The following ZNF618 variants were observed in gnomAD, a reference collection of about 807,000 sequenced individuals.
ZNF618 encodes zinc finger protein 618.
Under a neutral mutation model 103.0 loss-of-function variants are expected in ZNF618, and 34 were observed. The ratio of observed to expected loss-of-function variants is 0.33; its 90% CI spans 0.25 to 0.44. The LOEUF is 0.44. Among genes scored for constraint, ZNF618 ranks in the 20% least tolerant of loss-of-function variants. The pLI is 1.00. For synonymous variants in ZNF618, 551 were observed against 542.2 expected, an observed-to-expected ratio of 1.02 and a Z score of -0.23; for missense variants, 1,059 against 1,295.4, an observed-to-expected ratio of 0.82 and a Z score of 2.80.
At chr9:113,876,945 A>G (rs971743657) in intron 1 of ZNF618, among the ~76,000 whole-genome samples, 2 of 149,760 alleles carry the variant, frequency 1.3e-5, no homozygotes, top group African/African-American at 2.5e-5. Flanking sequence ...GTTTTTTCCC[A>G]TTAAAACGAC....
intron 1 of ZNF618, among the ~76,000 whole-genome samples, chr9:113,876,687 A>G (rs1827973151): frequency 1.3e-5 from 2 of 152,016 alleles, no homozygotes; most frequent in South Asian, 4.1e-4. Flanking sequence ...CCAGAAAACA[A>G]AGCGGCGAGA....
At chr9:113,929,486 GAA>G (rs1238965661) in intron 1 of ZNF618, among the ~76,000 whole-genome samples, 1 of 152,190 alleles carries the variant, frequency 6.6e-6, no homozygotes, top group Non-Finnish European at 1.5e-5. Flanking sequence ...GGCTGAAATT[GAA>G]AGTCCTCACC....
At chr9:114,027,777 G>A (rs931275189) in intron 10 of ZNF618, 1 of 152,162 alleles carries the variant, frequency 6.6e-6, no homozygotes, top group Non-Finnish European at 1.5e-5. Flanking sequence ...TCAGGGCTGT[G>A]GCCAGGCACT....
At chr9:113,951,696 T>G (rs1835797734) in intron 1 of ZNF618, among the ~76,000 whole-genome samples, 1 of 151,654 alleles carries the variant, frequency 6.6e-6, no homozygotes, top group Non-Finnish European at 1.5e-5. Flanking sequence ...TTGAGGGGCC[T>G]CTTGAGTACA....
chr9:113,894,828 T>G (rs1384905237), intron 1 of ZNF618, among the ~76,000 whole-genome samples: 1 of 152,222 alleles, frequency 6.6e-6, no homozygotes, highest in Non-Finnish European at 1.5e-5. Context: ...ATTTATTGTA[T>G]TACCTTCTTA....
chr9:113,959,829 G>T, intron 1 of ZNF618, among the ~76,000 whole-genome samples: 1 of 152,110 alleles, frequency 6.6e-6, no homozygotes, highest in East Asian at 1.9e-4. Context: ...GGCTGGTCTC[G>T]ACCTCCTGAC....
chr9:113,895,321 A>G (rs1829944844), intron 1 of ZNF618, among the ~76,000 whole-genome samples: 1 of 152,104 alleles, frequency 6.6e-6, no homozygotes, highest in Admixed American at 6.5e-5. Context: ...ATGTACCCAG[A>G]TGGCCATATG....
At chr9:114,031,291 T>G (rs1375112002) in intron 11 of ZNF618, among the ~76,000 whole-genome samples, 1 of 152,106 alleles carries the variant, frequency 6.6e-6, no homozygotes, top group African/African-American at 2.4e-5. Flanking sequence ...AATTTGTAGA[T>G]GCTCCCTGGG....
At chr9:113,951,880 C>T (rs1321527529) in intron 1 of ZNF618, among the ~76,000 whole-genome samples, 1 of 152,064 alleles carries the variant, frequency 6.6e-6, no homozygotes, top group Admixed American at 6.5e-5. Context: ...GCAGATGGGA[C>T]TCAAGTTGCC....
intron 2 of ZNF618, among the ~76,000 whole-genome samples, chr9:113,981,946 A>G (rs986511720): frequency 2.0e-5 from 3 of 152,146 alleles, no homozygotes. Flanking sequence ...GCTCTTGTCA[A>G]TGCCAAGCAT....
chr9:113,892,178 G>T (rs977367809), intron 1 of ZNF618, among the ~76,000 whole-genome samples: 1 of 152,092 alleles, frequency 6.6e-6, no homozygotes, highest in Admixed American at 6.5e-5. Context: ...TAGTATCCGT[G>T]GGGGATTGGT....
At chr9:113,938,572 C>CTTTTTTTTTTTTTTTTTTT (rs71367741) in intron 1 of ZNF618, among the ~76,000 whole-genome samples, 1 of 136,714 alleles carries the variant, frequency 7.3e-6, no homozygotes, top group African/African-American at 2.6e-5. Flanking sequence ...TTCTTTTTTT[C>CTTTTTTTTTTTTTTTTTTT]TTTTTTTTTT....
intron 1 of ZNF618, among the ~76,000 whole-genome samples, chr9:113,887,679 G>A (rs917658718): frequency 5.9e-5 from 9 of 152,144 alleles, no homozygotes; most frequent in Non-Finnish European, 7.4e-5. Flanking sequence ...GCAGGGTGGG[G>A]AGTCATCTCC....
rs764854937 is a variant in ZNF618, at chr9:114,049,899, A to T, written c.2597A>T (p.Asp866Val). The stretch of plus-strand genomic sequence containing the variant: ...GTCGAGAACCCCGCAGCTCAGGAAG[A>T]TGATCGGCTAGGCAAAAATGAAGTG... ...AAVENPAAQE[D>V]DRLGKNEVYD... is the part of the protein sequence containing the mutation. Residue 866 changes from aspartate to valine, a missense_variant, in exon 15 of 15, where the codon GAT (aspartate) becomes GTT (valine). Transcript: ENST00000374126. 1.2e-6 allele frequency: 2 copies of T among 1,613,936 alleles called. No homozygotes were observed.
Position 114,049,633 on chromosome 9 carries a change from C to T in ZNF618, c.2331C>T (p.Asp777=), listed in dbSNP as rs766213975. ...LEKLFTAKAN[D]AGTVSKLCHL... ...AGCTGTTCACGGCCAAGGCCAACGA[C>T]GCAGGCACTGTCAGCAAGCTCTGCC... The change falls in exon 15 of 15, where the codon GAC becomes GAT. Residue 777 remains aspartate (D), a synonymous_variant. Coordinates refer to ENST00000374126, the MANE Select transcript of ZNF618 (RefSeq NM_001318042.2). 6.1e-5 allele frequency: 99 copies of T among 1,613,854 alleles called. No individual in the cohort carries two copies. Among genetic ancestry groups the T allele is most frequent in the South Asian group, 1.4e-4 (13 of 91,086 alleles).
chr9:113,994,263 A>G (rs1840352504), intron 3 of ZNF618, among the ~76,000 whole-genome samples: 1 of 152,216 alleles, frequency 6.6e-6, no homozygotes, highest in Non-Finnish European at 1.5e-5. Context: ...TCAGCCTGTG[A>G]CAGACCCAGG....
chr9:113,916,606 G>T (rs1001285990), intron 1 of ZNF618, among the ~76,000 whole-genome samples: 2 of 152,184 alleles, frequency 1.3e-5, no homozygotes, highest in African/African-American at 2.4e-5. Context: ...CTTAACCGTG[G>T]AGAGTTAAGA....
rs756210735 is a variant in ZNF618, at chr9:114,047,933, G to T, written c.1287G>T (p.Ser429=). 6.2e-7 allele frequency: 1 copy of T among 1,602,858 alleles called. No individual in the cohort carries two copies. The highest frequency in any genetic ancestry group is 8.5e-7 in the Non-Finnish European group (1 of 1,174,790). The change falls in exon 14 of 15, where the codon TCG becomes TCT. Residue 429 remains serine (S), a synonymous_variant. Coordinates refer to ENST00000374126, the MANE Select transcript of ZNF618 (RefSeq NM_001318042.2). ...ENNIASNQSR[S]PPAVVEEKWK... is the part of the protein sequence containing the mutation. ...ACATTGCCTCCAACCAGTCCCGATCGCCACCTGCTGTTGTAGAAGAGAAGT... is the reference window on the plus strand; with the variant it reads ...ACATTGCCTCCAACCAGTCCCGATCTCCACCTGCTGTTGTAGAAGAGAAGT...
chr9:113,893,597 T>C (rs1481054351), intron 1 of ZNF618, among the ~76,000 whole-genome samples: 4 of 152,168 alleles, frequency 2.6e-5, no homozygotes, highest in Admixed American at 2.0e-4. Flanking sequence ...ATCTTCTCTG[T>C]TAAGCTGCTT....
Sources: allele counts gnomAD v4.1 joint callset (sites outside exome capture counted in the v4.1 genomes callset), GRCh38; gene constraint gnomAD v4.1.1; transcripts MANE v1.5; gene names NCBI Gene and HGNC (gene_info 2026-07-23, HGNC 2026-07-21).